The following WDR46 variants were observed in gnomAD, a reference collection of about 807,000 sequenced individuals.
WDR46 encodes the protein WD repeat-containing protein 46.
In WDR46, 58 loss-of-function variants were observed where a neutral mutation model predicts 74.7. The observed-to-expected ratio is 0.78, with a 90% CI of 0.63 to 0.97. The LOEUF (loss-of-function observed/expected upper bound fraction) is 0.97, where lower values mean the gene tolerates loss of function less well. WDR46 is among the 50% of genes least tolerant of loss of function. The pLI is 0.00. For synonymous variants in WDR46, 278 were observed against 297.3 expected (o/e 0.93, Z 0.67); for missense variants, 702 against 790.1 (o/e 0.89, Z 1.34).
intron 10 of WDR46, among the ~76,000 whole-genome samples, chr6:33,281,220 G>C (rs1766155152): frequency 1.3e-5 from 2 of 152,174 alleles, no homozygotes; most frequent in South Asian, 4.1e-4. Context: ...GGAAAGCTAG[G>C]TCAGTGAATG....
In WDR46 at chr6:33,289,097, T is replaced by C. The variant is rs1431646216; in HGVS notation, c.69+5A>G. The C allele has an allele frequency of 3.1e-6, 5 of 1,602,294 alleles. No homozygotes were observed. In the African/African-American group the frequency reaches 5.6e-5, roughly 18 times the overall value. ...ACTTCGTTTCCCACCCAGGGAGGCC[T>C]CTACCTTTCTCTTGGTCTGAAGTTT... is the stretch of plus-strand genomic sequence containing the variant. On this transcript the variant is annotated splice_donor_5th_base_variant and intron_variant, in intron 1 of 14. Transcript: ENST00000374617.
Position 33,280,786 on chromosome 6 carries a change from C to T in WDR46, c.1317G>A (p.Gln439=). The T allele has an allele frequency of 1.2e-6, 2 of 1,614,144 alleles. No homozygotes were observed. Among genetic ancestry groups the T allele is most frequent in the Non-Finnish European group, 1.7e-6 (2 of 1,180,010 alleles). Residue 439 remains glutamine (Q), a synonymous_variant, in exon 11 of 15, where the codon CAG becomes CAA. Coordinates refer to ENST00000374617, the MANE Select transcript of WDR46 (RefSeq NM_005452.6). ...CTGAGAGCCGGTGGGTGAGGTAGGG[C>T]TGTTCAAGGGAGGGTGGGCTGGCCT... ...QGKASPPSLE[Q]PYLTHRLSGP... is the part of the protein sequence containing the mutation.
In WDR46 at chr6:33,279,861, T is replaced by G; in HGVS notation, c.1525-2A>C. 6.2e-7 allele frequency: 1 copy of G among 1,613,672 alleles called. No homozygotes were observed. The highest frequency in any genetic ancestry group is 8.5e-7 in the Non-Finnish European group (1 of 1,179,848). On this transcript the variant is annotated splice_acceptor_variant, in intron 12 of 14. Transcript: ENST00000374617. LOFTEE classifies it high-confidence loss of function. ...CAGACAAATAAGCTCTGCAGGTACC[T>G]GGGGGTGTCACAGAGGGACAGGACT...
At chr6:33,279,918 AAG>A in intron 12 of WDR46, 59 bp from the exon 13 acceptor site, 1 of 1,564,966 alleles carries the variant, frequency 6.4e-7, no homozygotes, top group African/African-American at 1.4e-5. Flanking sequence ...TAGCACCAAA[AAG>A]AGAAGCCAGG....
chr6:33,280,585 C>T (rs1030008051), intron 11 of WDR46, 63 bp from the exon 12 acceptor site: 9 of 1,601,654 alleles, frequency 5.6e-6, no homozygotes, highest in Non-Finnish European at 7.7e-6. Context: ...CAGCTCCAGC[C>T]CAACTAAGCC....
At position 33,287,489 on chromosome 6, in the gene WDR46, C is replaced by T. The variant is rs769698609; in HGVS notation, c.745G>A (p.Ala249Thr). ...VRDIRFLHSE[A>T]LLAVAQNRWL... ...CGGTTCTGAGCAACAGCAAGCAGTG[C>T]CTCAGAATGGAGAAACCTGGGGGAG... The change falls in exon 8 of 15, where the codon GCA (alanine) becomes ACA (threonine). Residue 249 changes from alanine to threonine, a missense_variant. Ala to Thr is a moderately conservative substitution (Grantham distance 58). Coordinates refer to ENST00000374617, the MANE Select transcript of WDR46 (RefSeq NM_005452.6). 1 of 1,613,056 alleles carries T rather than the reference C, an allele frequency of 6.2e-7. No individual in the cohort carries two copies. The highest frequency in any genetic ancestry group is 8.5e-7 in the Non-Finnish European group (1 of 1,179,878).
At chr6:33,287,898 A>G (rs1340967033) in intron 6 of WDR46, 67 bp downstream of exon 6, 3 of 1,590,454 alleles carry the variant, frequency 1.9e-6, no homozygotes, top group Non-Finnish European at 1.7e-6. Flanking sequence ...CCAAACATAC[A>G]CTGGGAATGG....
At chr6:33,281,015 A>G in intron 10 of WDR46, 28 bp from the exon 11 acceptor site, 1 of 1,556,070 alleles carries the variant, frequency 6.4e-7, no homozygotes, top group Non-Finnish European at 8.7e-7. Context: ...ATCAATTAAT[A>G]TGTCAGTAAA....
In WDR46 at chr6:33,280,808, G is replaced by GCCTTGCCCTGC; in HGVS notation, c.1284_1294dup (p.Ala432GlyfsTer75). The GCCTTGCCCTGC allele has an allele frequency of 6.2e-7, 1 of 1,614,186 alleles. No individual in the cohort carries two copies. The highest frequency in any genetic ancestry group is 8.5e-7 in the Non-Finnish European group (1 of 1,180,032). On this transcript the variant is annotated frameshift_variant, in exon 11 of 15. Transcript: ENST00000374617. LOFTEE classifies it high-confidence loss of function. Reference sequence around the variant, plus strand: ...GGGCTGTTCAAGGGAGGGTGGGCTGGCCTTGCCCTGCCCTGCCCAGATGTT... The same window carrying GCCTTGCCCTGC: ...GGGCTGTTCAAGGGAGGGTGGGCTGGCCTTGCCCTGCCCTTGCCCTGCCCTGCCCAGATGTT...
At chr6:33,279,957 AC>A in intron 12 of WDR46, 98 bp from the exon 13 acceptor site, 4 of 1,162,608 alleles carry the variant, frequency 3.4e-6, no homozygotes, top group Non-Finnish European at 4.9e-6. Context: ...TCTACCCAAG[AC>A]CCCCAGCATG....
At chr6:33,287,908 G>A in intron 6 of WDR46, 57 bp downstream of exon 6, 1 of 1,598,542 alleles carries the variant, frequency 6.3e-7, no homozygotes, top group Non-Finnish European at 8.6e-7. Context: ...ACTGGGAATG[G>A]CTGAAGTGGT....
intron 10 of WDR46, among the ~76,000 whole-genome samples, chr6:33,283,168 C>G (rs1258782468): frequency 2.0e-5 from 3 of 151,934 alleles, no homozygotes; most frequent in Non-Finnish European, 4.4e-5. Flanking sequence ...GAGACCACAC[C>G]ATTGCACTCC....
At chr6:33,286,927 C>T in intron 9 of WDR46, 33 bp from the exon 10 acceptor site, 1 of 1,611,284 alleles carries the variant, frequency 6.2e-7, no homozygotes, top group South Asian at 1.1e-5. Context: ...GTTGCTAATA[C>T]ACACCTAAGC....
At chr6:33,279,460 C>T (rs1040231369) in intron 14 of WDR46, 37 bp downstream of exon 14, 1 of 1,610,698 alleles carries the variant, frequency 6.2e-7, no homozygotes, top group South Asian at 1.1e-5. Context: ...GAGGGTGCAG[C>T]CTGTGGAAGG....
In WDR46 at chr6:33,279,768, C is replaced by A. The variant is rs1161702516; in HGVS notation, c.1616G>T (p.Arg539Met). The change falls in exon 13 of 15, where the codon AGG becomes ATG. Residue 539 changes from arginine to methionine, a missense_variant. Transcript: ENST00000374617. ...LEQGKKEQIERLGYDPQAKAP... is the reference protein window; with the variant it reads ...LEQGKKEQIEMLGYDPQAKAP... ...ATTCAGGGGCCTGCTCCATACCAGC[C>A]TCTCTATCTGCTCCTTCTTTCCCTG... The A allele has an allele frequency of 6.2e-7, 1 of 1,614,132 alleles. No homozygotes were observed. Among genetic ancestry groups the A allele is most frequent in the Non-Finnish European group, 8.5e-7 (1 of 1,179,994 alleles).
intron 6 of WDR46, 25 bp downstream of exon 6, chr6:33,287,940 A>G (rs1398432644): frequency 6.2e-7 from 1 of 1,613,210 alleles, no homozygotes; most frequent in Non-Finnish European, 8.5e-7. Context: ...ATCTTAGTTC[A>G]AGAGTCACTA....
In WDR46 at chr6:33,288,812, AGCC is replaced by A; in HGVS notation, c.268_270del (p.Gly90del). The A allele has an allele frequency of 6.2e-7, 1 of 1,613,994 alleles. No homozygotes were observed. The highest frequency in any genetic ancestry group is 8.5e-7 in the Non-Finnish European group (1 of 1,179,980). On this transcript the variant is annotated inframe_deletion, in exon 2 of 15. Coordinates refer to ENST00000374617, the MANE Select transcript of WDR46 (RefSeq NM_005452.6). ...TCAGGTCCCACGCTCACCCCGGACA[AGCC>A]GCGCTGGGACTCCGGGTTCTTCCAT...
chr6:33,288,578 C>A (rs759947080), intron 3 of WDR46, 36 bp downstream of exon 3: 6 of 1,610,640 alleles, frequency 3.7e-6, no homozygotes, highest in Non-Finnish European at 4.2e-6. Flanking sequence ...ACACTCCCTG[C>A]CTCCAGCACT....
chr6:33,288,162 C>T lies in WDR46; in HGVS notation c.547G>A (p.Ala183Thr). ...QADIVEAVDIASAAKHFDLNL... is the reference protein window; with the variant it reads ...QADIVEAVDITSAAKHFDLNL... The stretch of plus-strand genomic sequence containing the variant: ...CTCAGGCTCACCTTGGCTGCACTTG[C>T]AATGTCCACAGCCTCCACAATGTCA... Residue 183 changes from alanine to threonine, a missense_variant, in exon 5 of 15, where the codon GCA becomes ACA. Ala to Thr is a moderately conservative substitution (Grantham distance 58, BLOSUM62 0). Coordinates refer to ENST00000374617, the MANE Select transcript of WDR46 (RefSeq NM_005452.6). 6.2e-7 allele frequency: 1 copy of T among 1,614,246 alleles called. No homozygotes were observed. The highest frequency in any genetic ancestry group is 2.2e-5 in the East Asian group (1 of 44,890).
Sources: allele counts gnomAD v4.1 joint callset (sites outside exome capture counted in the v4.1 genomes callset), GRCh38; gene constraint gnomAD v4.1.1; transcripts MANE v1.5; gene names NCBI Gene and HGNC (gene_info 2026-07-23, HGNC 2026-07-21).